The following MRC2 variants were observed in gnomAD, a reference collection of about 807,000 sequenced individuals.
MRC2 encodes the protein mannose receptor C-type 2.
In MRC2, 84 loss-of-function variants were observed where a neutral mutation model predicts 206.2. The ratio of observed to expected loss-of-function variants is 0.41; its 90% CI spans 0.34 to 0.49. The LOEUF (loss-of-function observed/expected upper bound fraction) is 0.49. Among genes scored for constraint, MRC2 ranks in the 20% least tolerant of loss-of-function variants. MRC2 has a pLI of 0.31. For missense variants in MRC2, 1,676 were observed against 2,001.5 expected, an observed-to-expected ratio of 0.84 and a Z score of 3.10; for synonymous variants, 798 against 800.0, an observed-to-expected ratio of 1.00 and a Z score of 0.04.
At chr17:62,684,627 C>T (rs2089010223) in intron 20 of MRC2, among the ~76,000 whole-genome samples, 2 of 152,062 alleles carry the variant, frequency 1.3e-5, no homozygotes, top group South Asian at 4.2e-4. Context: ...GAGTTCATAC[C>T]AGGAAGAGAA....
intron 1 of MRC2, among the ~76,000 whole-genome samples, chr17:62,637,427 T>G (rs766610079): frequency 1.3e-5 from 2 of 151,428 alleles, no homozygotes; most frequent in Non-Finnish European, 2.9e-5. Flanking sequence ...TCCCAGCAGC[T>G]CGGGAGGCTG....
intron 9 of MRC2, among the ~76,000 whole-genome samples, chr17:62,674,465 C>T (rs1037592340): frequency 6.6e-6 from 1 of 152,176 alleles, no homozygotes; most frequent in Non-Finnish European, 1.5e-5. Flanking sequence ...GGGGGCTGGT[C>T]TACCCCCGAG....
chr17:62,690,635 C>T lies in MRC2; in HGVS notation c.3893-7C>T. The T allele has an allele frequency of 6.3e-7, 1 of 1,594,864 alleles. No homozygotes were observed. The highest frequency in any genetic ancestry group is 8.5e-7 in the Non-Finnish European group (1 of 1,170,974). On this transcript the variant is annotated splice_polypyrimidine_tract_variant and splice_region_variant and intron_variant, in intron 26 of 29. Coordinates refer to ENST00000303375, the MANE Select transcript of MRC2 (RefSeq NM_006039.5). ...TCCGCCCTGACGTGGGCCTTCTTTGCATCCAGCGGGTGGGGCCGTCCTGTC... is the reference window on the plus strand; with the variant it reads ...TCCGCCCTGACGTGGGCCTTCTTTGTATCCAGCGGGTGGGGCCGTCCTGTC...
chr17:62,664,426 G>T lies in MRC2; in HGVS notation c.119-122G>T. ...GGTAGTGAGTACCGAGTGATTTAACGTATGAGTGACGGCTCACCATCCTGC... is the reference window on the plus strand; with the variant it reads ...GGTAGTGAGTACCGAGTGATTTAACTTATGAGTGACGGCTCACCATCCTGC... On this transcript the variant is annotated intron_variant, in intron 1 of 29. Coordinates refer to ENST00000303375, the MANE Select transcript of MRC2 (RefSeq NM_006039.5). The surrounding 1 kb of genome is among the most constrained non-coding windows in gnomAD (Gnocchi z 4.7). 1 of 1,115,954 alleles carries T rather than the reference G, an allele frequency of 9.0e-7. No individual in the cohort carries two copies. The highest frequency in any genetic ancestry group is 2.2e-5 in the Admixed American group (1 of 44,708). 69.1% of individuals were successfully genotyped at this position (1,115,954 alleles called of 1,614,324 possible). A position where few individuals can be genotyped will look rare whatever the true frequency, so the allele number is the denominator to read the frequency against.
Position 62,677,491 on chromosome 17 carries a change from G to C in MRC2, c.2052+5G>C. The C allele has an allele frequency of 6.3e-7, 1 of 1,588,588 alleles. No homozygotes were observed. ...AAACTCCGGTATTGCTATAAGGTAGGGCAGCCTGTTGGCCGGGTAGGGGGC... is the reference window on the plus strand; with the variant it reads ...AAACTCCGGTATTGCTATAAGGTAGCGCAGCCTGTTGGCCGGGTAGGGGGC... On this transcript the variant is annotated splice_donor_5th_base_variant and intron_variant, in intron 12 of 29. Coordinates refer to ENST00000303375, the MANE Select transcript of MRC2 (RefSeq NM_006039.5).
chr17:62,638,448 TTA>T (rs1263495081), intron 1 of MRC2, among the ~76,000 whole-genome samples: 3 of 152,066 alleles, frequency 2.0e-5, no homozygotes, highest in African/African-American at 7.2e-5. Flanking sequence ...CTTTTAAATG[TTA>T]TGAGGATGGC....
intron 1 of MRC2, among the ~76,000 whole-genome samples, chr17:62,653,854 T>C (rs933604947): frequency 6.6e-6 from 1 of 151,990 alleles, no homozygotes; most frequent in African/African-American, 2.4e-5. Flanking sequence ...GGCTTCGATA[T>C]CATGTAACCC....
At position 62,642,821 on chromosome 17, in the gene MRC2, AT is replaced by A. The variant is rs368936370; in HGVS notation, c.118+14903del. Among the ~76,000 whole-genome samples the A allele has an allele frequency of 2.6e-4, 39 of 152,314 alleles. 1 individual carries two copies. In the East Asian group the frequency reaches 7.3e-3, roughly 29 times the overall value. ...AAAAAGCAAAGTTGTTCATAGTAGC[AT>A]TATTCATAATAGCCAAAAACTAAAA... is the stretch of plus-strand genomic sequence containing the variant. On this transcript the variant is annotated intron_variant, in intron 1 of 29. Transcript: ENST00000303375.
chr17:62,632,774 G>A (rs532881639), intron 1 of MRC2, among the ~76,000 whole-genome samples: 45 of 152,304 alleles, frequency 3.0e-4, no homozygotes, highest in Non-Finnish European at 6.0e-4. Flanking sequence ...GATTGGATGG[G>A]TGGCCTCTCT....
chr17:62,632,761 C>G (rs956584079), intron 1 of MRC2, among the ~76,000 whole-genome samples: 1 of 152,132 alleles, frequency 6.6e-6, no homozygotes, highest in African/African-American at 2.4e-5. Context: ...GTGACAAATC[C>G]CAGATTGGAT....
chr17:62,674,920 T>C (rs1167704194), intron 9 of MRC2, among the ~76,000 whole-genome samples: 1 of 152,060 alleles, frequency 6.6e-6, no homozygotes, highest in African/African-American at 2.4e-5. Flanking sequence ...TGTTTTCCTT[T>C]GGATTAAGCC....
intron 6 of MRC2, among the ~76,000 whole-genome samples, chr17:62,668,809 C>T (rs914811217): frequency 2.0e-5 from 3 of 152,036 alleles, no homozygotes; most frequent in Non-Finnish European, 4.4e-5. Context: ...GGAGTTGGGG[C>T]AATGGACAGG....
In MRC2 at chr17:62,676,427, G is replaced by A. The variant is rs772763032; in HGVS notation, c.1730G>A (p.Gly577Asp). 6.2e-7 allele frequency: 1 copy of A among 1,614,116 alleles called. No individual in the cohort carries two copies. Among genetic ancestry groups the A allele is most frequent in the South Asian group, 1.1e-5 (1 of 91,084 alleles). ...AGCAGCCTCATCTACAACTGGGAGG[G>A]CGAGTACTTCTGGACGGCCCTGCAG... ...FVSSLIYNWE[G>D]EYFWTALQDL... The change falls in exon 11 of 30, where the codon GGC becomes GAC. Residue 577 changes from glycine (G) to aspartate (D), a missense_variant. Around this residue, in one of 3 missense-constraint regions of MRC2, gnomAD observed 1,354 missense variants for 1,636.6 expected, o/e 0.83. Coordinates refer to ENST00000303375, the MANE Select transcript of MRC2 (RefSeq NM_006039.5).
chr17:62,689,558 C>A lies in MRC2; in HGVS notation c.3371C>A (p.Pro1124His). 1 of 1,596,164 alleles carries A rather than the reference C, an allele frequency of 6.3e-7. No individual in the cohort carries two copies. The highest frequency in any genetic ancestry group is 2.3e-5 in the East Asian group (1 of 44,424). Reference protein sequence around the residue: ...SLSPSPAALPPAPGTELSYLN... With the variant: ...SLSPSPAALPHAPGTELSYLN... ...AGCCCGTCCCCAGCAGCGCTGCCCC[C>A]CGCCCCGGGCACTGAGCTCTCCTAC... Residue 1124 changes from proline (P) to histidine (H), a missense_variant, in exon 24 of 30, where the codon CCC becomes CAC. Coordinates refer to ENST00000303375, the MANE Select transcript of MRC2 (RefSeq NM_006039.5).
rs771195732 is a variant in MRC2 at position 62,664,803 on chromosome 17, C to T, written c.374C>T (p.Thr125Ile). ...CTGAATCTTCGCTGGCATTGTCGTA[C>T]ACTGGGTGACCAGCTGTCCTTGCTC... ...EALNLRWHCRTLGDQLSLLLG... is the reference protein window; with the variant it reads ...EALNLRWHCRILGDQLSLLLG... The change falls in exon 2 of 30, where the codon ACA (threonine) becomes ATA (isoleucine). Residue 125 changes from threonine (T) to isoleucine (I), a missense_variant. Around this residue, in one of 3 missense-constraint regions of MRC2, gnomAD observed 318 missense variants for 346.7 expected, o/e 0.92. Transcript: ENST00000303375. The surrounding 1 kb of genome is among the most constrained non-coding windows in gnomAD (Gnocchi z 4.7). 40 of 1,613,830 alleles carry T rather than the reference C, an allele frequency of 2.5e-5. No homozygotes were observed. The highest frequency in any genetic ancestry group is 4.0e-5 in the African/African-American group (3 of 74,958).
At chr17:62,630,380 C>T (rs2084206741) in intron 1 of MRC2, among the ~76,000 whole-genome samples, 1 of 152,058 alleles carries the variant, frequency 6.6e-6, no homozygotes, top group South Asian at 2.1e-4. Flanking sequence ...TTGGTCACAC[C>T]CCTAGTAAGT....
At chr17:62,689,822 T>C in intron 24 of MRC2, 62 bp downstream of exon 24, 1 of 1,536,810 alleles carries the variant, frequency 6.5e-7, no homozygotes, top group South Asian at 1.2e-5. Flanking sequence ...CCCTGCCCCT[T>C]CCTGCCCCCG....
At position 62,652,924 on chromosome 17, in the gene MRC2, C is replaced by T. The variant is rs187056303; in HGVS notation, c.119-11624C>T. On this transcript the variant is annotated intron_variant, in intron 1 of 29. Transcript: ENST00000303375. The surrounding 1 kb of genome is among the most constrained non-coding windows in gnomAD (Gnocchi z 4.6). ...CACGATGGCGGGGGCAGGGGTGCCC[C>T]TTGGGAGCAGAAGCAGAGAAGACTC... 1.1e-4 allele frequency among the ~76,000 whole-genome samples: 17 copies of T among 152,008 alleles called. No individual in the cohort carries two copies. Among genetic ancestry groups the T allele is most frequent in the African/African-American group, 4.1e-4 (17 of 41,442 alleles).
In MRC2 at chr17:62,666,359, C is replaced by A. The variant is rs1200791704; in HGVS notation, c.694+92C>A. On this transcript the variant is annotated intron_variant, in intron 3 of 29. Transcript: ENST00000303375. This position sits in a 1 kb window ranked among gnomAD's most constrained non-coding sequence, Gnocchi z 5.0. ...CCGGGGCCCAGGGTGAGATACTGCC[C>A]CCTCCCCTACCTAGTGTAGCCTTTT... is the stretch of plus-strand genomic sequence containing the variant. 4 of 1,586,802 alleles carry A rather than the reference C, an allele frequency of 2.5e-6. No homozygotes were observed. Among genetic ancestry groups the A allele is most frequent in the South Asian group, 2.3e-5 (2 of 86,640 alleles).
Sources: allele counts gnomAD v4.1 joint callset (sites outside exome capture counted in the v4.1 genomes callset), GRCh38; gene constraint gnomAD v4.1.1; regional missense constraint gnomAD v4.1.1; non-coding constraint Gnocchi (gnomAD v3.1); transcripts MANE v1.5; gene names NCBI Gene and HGNC (gene_info 2026-07-23, HGNC 2026-07-21).